DGCR8: variants seen among roughly 807,000 people sequenced by gnomAD.
DGCR8 encodes microprocessor complex subunit DGCR8.
DGCR8 carries 14 observed loss-of-function variants against 78.5 expected under a neutral mutation model. The observed-to-expected ratio is 0.18, with a 90% CI of 0.12 to 0.28. The LOEUF (loss-of-function observed/expected upper bound fraction) is 0.28. Among genes scored for constraint, DGCR8 ranks in the 10% least tolerant of loss-of-function variants. The pLI is 1.00. For missense variants in DGCR8, 702 were observed against 1,022.5 expected, an observed-to-expected ratio of 0.69 and a Z score of 4.28; for synonymous variants, 399 against 402.4, an observed-to-expected ratio of 0.99 and a Z score of 0.10.
intron 9 of DGCR8, among the ~76,000 whole-genome samples, chr22:20,095,425 C>T (rs1391258189): frequency 6.6e-6 from 1 of 152,134 alleles, no homozygotes; most frequent in Non-Finnish European, 1.5e-5. Flanking sequence ...TCTTTATATA[C>T]TTGACCCTTG....
At position 20,107,179 on chromosome 22, in the gene DGCR8, G is replaced by GGT. The variant is rs910881036; in HGVS notation, c.1997-88_1997-87dup. ...AGAATGTGCCCTGGCTGGCCCTCGG[G>GGT]GTGTGGGTCAGGAGGGCTGGGAGCG... On this transcript the variant is annotated intron_variant, in intron 11 of 13. Coordinates refer to ENST00000351989, the MANE Select transcript of DGCR8 (RefSeq NM_022720.7). The GGT allele has an allele frequency of 1.1e-5, 16 of 1,484,158 alleles. No homozygotes were observed. In the Admixed American group the frequency reaches 2.7e-4, roughly 25 times the overall value. The allele number at this position is 1,484,158 out of a possible 1,614,324, so 91.9% of individuals were successfully genotyped here. A position where few individuals can be genotyped will look rare whatever the true frequency, so the allele number is the denominator to read the frequency against.
In DGCR8 at chr22:20,110,675, TAAAC is replaced by T. The variant is rs2049829831; in HGVS notation, c.*569_*572del. On this transcript the variant is annotated 3_prime_UTR_variant, in exon 14 of 14. Coordinates refer to ENST00000351989, the MANE Select transcript of DGCR8 (RefSeq NM_022720.7). ...AGGAATATTTTAAACCTTTTTGGCT[TAAAC>T]AGAATTTTAGCATCAGAACTAGCTT... The T allele has an allele frequency of 6.4e-6, 1 of 155,908 alleles. No individual in the cohort carries two copies. The highest frequency in any genetic ancestry group is 1.4e-5 in the Non-Finnish European group (1 of 70,524). 9.7% of individuals were successfully genotyped at this position (155,908 alleles called of 1,614,324 possible).
chr22:20,091,903 C>G lies in DGCR8; in HGVS notation c.1539C>G (p.Val513=), dbSNP rs2049568659. ...FVINPNGKSE[V]CILHEYMQRV... Reference sequence around the variant, plus strand: ...TTAACCCCAACGGGAAATCCGAGGTCTGCATCCTGCACGAGTACATGCAGC... The same window carrying G: ...TTAACCCCAACGGGAAATCCGAGGTGTGCATCCTGCACGAGTACATGCAGC... The change falls in exon 7 of 14, where the codon GTC becomes GTG. Residue 513 remains valine, a synonymous_variant. Transcript: ENST00000351989. The G allele has an allele frequency of 6.2e-7, 1 of 1,614,074 alleles. No homozygotes were observed. The highest frequency in any genetic ancestry group is 1.3e-5 in the African/African-American group (1 of 74,934).
Position 20,101,868 on chromosome 22 carries a change from C to G in DGCR8, c.1789-4309C>G, listed in dbSNP as rs764969787. On this transcript the variant is annotated intron_variant, in intron 9 of 13. Coordinates refer to ENST00000351989, the MANE Select transcript of DGCR8 (RefSeq NM_022720.7). Reference sequence around the variant, plus strand: ...TAGTATCCCCTCCTTGTGTGGACTCCGGAGGTGGGGTTGACATGTCAGGAG... The same window carrying G: ...TAGTATCCCCTCCTTGTGTGGACTCGGGAGGTGGGGTTGACATGTCAGGAG... The G allele has an allele frequency of 1.5e-5, 15 of 985,154 alleles. No individual in the cohort carries two copies. In the Admixed American group the frequency reaches 2.5e-4, roughly 16 times the overall value. 61.0% of individuals were successfully genotyped at this position (985,154 alleles called of 1,614,324 possible). A position where few individuals can be genotyped will look rare whatever the true frequency, so the allele number is the denominator to read the frequency against.
intron 7 of DGCR8, 33 bp from the exon 8 acceptor site, chr22:20,092,776 G>C (rs771880207): frequency 2.4e-5 from 38 of 1,580,382 alleles, no homozygotes; most frequent in South Asian, 7.8e-5. Flanking sequence ...GTCTTGACTC[G>C]TATGTTTTAA....
At position 20,087,358 on chromosome 22, in the gene DGCR8, G is replaced by A. The variant is rs751965751; in HGVS notation, c.880+37G>A. On this transcript the variant is annotated intron_variant, in intron 3 of 13. Coordinates refer to ENST00000351989, the MANE Select transcript of DGCR8 (RefSeq NM_022720.7). This position sits in a 1 kb window ranked among gnomAD's most constrained non-coding sequence, Gnocchi z 4.1. ...GGTCAGAAGCAGTGGGTGTTCCAGG[G>A]CAGTGGAGGGGTGGTTGCTTCCTTA... The A allele has an allele frequency of 6.4e-7, 1 of 1,564,700 alleles. No homozygotes were observed. Among genetic ancestry groups the A allele is most frequent in the Admixed American group, 1.8e-5 (1 of 55,966 alleles).
At chr22:20,109,299 T>G in intron 13 of DGCR8, 1 of 346,330 alleles carries the variant, frequency 2.9e-6, no homozygotes, top group Non-Finnish European at 5.6e-6. Context: ...TGTTTGGAGG[T>G]AGGTCAGTGC....
intron 9 of DGCR8, among the ~76,000 whole-genome samples, chr22:20,095,437 G>A (rs2049617329): frequency 6.6e-6 from 1 of 152,088 alleles, no homozygotes; most frequent in Admixed American, 6.6e-5. Flanking sequence ...TGACCCTTGA[G>A]TAACGTGGAA....
At chr22:20,102,739 G>C (rs1054695270) in intron 9 of DGCR8, among the ~76,000 whole-genome samples, 1 of 152,146 alleles carries the variant, frequency 6.6e-6, no homozygotes. Context: ...TTGATACTGG[G>C]AGTCCTCCAA....
intron 1 of DGCR8, among the ~76,000 whole-genome samples, chr22:20,082,636 G>A (rs1416365524): frequency 1.3e-5 from 2 of 152,058 alleles, no homozygotes; most frequent in East Asian, 1.9e-4. Context: ...CAAAGTGCTG[G>A]GATTACAGTC....
chr22:20,086,257 C>T lies in DGCR8; in HGVS notation c.294C>T (p.Thr98=), dbSNP rs374194876. ...DPNCSGHSPR[T]ARHAPAVRKF... ...ACTGTAGTGGCCACAGCCCGCGCACCGCCCGGCACGCACCTGCGGTCCGGA... is the reference window on the plus strand; with the variant it reads ...ACTGTAGTGGCCACAGCCCGCGCACTGCCCGGCACGCACCTGCGGTCCGGA... The change falls in exon 2 of 14, where the codon ACC becomes ACT. Residue 98 remains threonine, a synonymous_variant. Transcript: ENST00000351989. This position sits in a 1 kb window ranked among gnomAD's most constrained non-coding sequence, Gnocchi z 6.4. 19 of 1,614,050 alleles carry T rather than the reference C, an allele frequency of 1.2e-5. No individual in the cohort carries two copies. Among genetic ancestry groups the T allele is most frequent in the African/African-American group, 2.7e-5 (2 of 74,928 alleles).
At position 20,111,665 on chromosome 22, in the gene DGCR8, C is replaced by T; in HGVS notation, c.*1557C>T. 1 of 330,638 alleles carries T rather than the reference C, an allele frequency of 3.0e-6. No homozygotes were observed. The highest frequency in any genetic ancestry group is 5.5e-6 in the Non-Finnish European group (1 of 183,416). 20.5% of individuals were successfully genotyped at this position (330,638 alleles called of 1,614,324 possible). On this transcript the variant is annotated 3_prime_UTR_variant, in exon 14 of 14. Transcript: ENST00000351989. ...CGCTGTGTCTTGCTGTTCCCAGGCACCACCACAGCAGGTGCTGCCATACTC... is the reference window on the plus strand; with the variant it reads ...CGCTGTGTCTTGCTGTTCCCAGGCATCACCACAGCAGGTGCTGCCATACTC...
chr22:20,108,901 C>CA lies in DGCR8; in HGVS notation c.2138dup (p.Ser714GlufsTer4). 6.3e-7 allele frequency: 1 copy of CA among 1,583,152 alleles called. No homozygotes were observed. Among genetic ancestry groups the CA allele is most frequent in the Non-Finnish European group, 8.7e-7 (1 of 1,153,840 alleles). On this transcript the variant is annotated frameshift_variant, in exon 13 of 14. Transcript: ENST00000351989. LOFTEE classifies it high-confidence loss of function. ...GCTATACTTCCCAGGAGACATCGGA[C>CA]AAGAGTGTGATTGAGCTGCAGCAGT...
rs1201384924 is a variant in DGCR8, at chr22:20,089,898, A to G, written c.1024-78A>G. The G allele has an allele frequency of 1.3e-6, 2 of 1,589,572 alleles. No homozygotes were observed. Among genetic ancestry groups the G allele is most frequent in the African/African-American group, 2.7e-5 (2 of 74,154 alleles). ...CACACACATGGCACCGCAGCCAAGCAGAGGCCGGTGAAAGGCATCAGAGTT... is the reference window on the plus strand; with the variant it reads ...CACACACATGGCACCGCAGCCAAGCGGAGGCCGGTGAAAGGCATCAGAGTT... On this transcript the variant is annotated intron_variant, in intron 4 of 13. Transcript: ENST00000351989. This position sits in a 1 kb window ranked among gnomAD's most constrained non-coding sequence, Gnocchi z 4.9.
rs1455181752 is a variant in DGCR8, at chr22:20,085,659, G to T, written c.-277-28G>T. On this transcript the variant is annotated intron_variant, in intron 1 of 13. Coordinates refer to ENST00000351989, the MANE Select transcript of DGCR8 (RefSeq NM_022720.7). The surrounding 1 kb of genome is among the most constrained non-coding windows in gnomAD (Gnocchi z 6.2). ...GGAATTGGAAGGTTTCTGTCATTTT[G>T]TGACGATATTTTTAAATTTCTTTGC... The T allele has an allele frequency of 2.3e-6, 3 of 1,287,076 alleles. No individual in the cohort carries two copies. The highest frequency in any genetic ancestry group is 2.9e-6 in the Non-Finnish European group (3 of 1,021,470). The allele number at this position is 1,287,076 out of a possible 1,614,324, so 79.7% of individuals were successfully genotyped here. A position where few individuals can be genotyped will look rare whatever the true frequency, so the allele number is the denominator to read the frequency against.
rs764866778 is a variant in DGCR8 at position 20,086,055 on chromosome 22, C to T, written c.92C>T (p.Pro31Leu). The change falls in exon 2 of 14, where the codon CCC (proline) becomes CTC (leucine). Residue 31 changes from proline (P) to leucine (L), a missense_variant. Pro to Leu is a moderately conservative substitution (Grantham distance 98). This residue lies in a region of DGCR8 where 356 missense variants were observed against 448.9 expected (regional missense o/e 0.79). Transcript: ENST00000351989. The surrounding 1 kb of genome is among the most constrained non-coding windows in gnomAD (Gnocchi z 6.4). The stretch of plus-strand genomic sequence containing the variant: ...CGAGCTCGCCCCTTCCAAGCGCTGC[C>T]CCGTGAGCAGTCTCCACCACCTCCC... ...ESRARPFQAL[P>L]REQSPPPPLQ... 5.6e-6 allele frequency: 9 copies of T among 1,613,926 alleles called. No individual in the cohort carries two copies. Among genetic ancestry groups the T allele is most frequent in the Non-Finnish European group, 7.6e-6 (9 of 1,180,052 alleles).
chr22:20,098,606 A>ATT (rs1167612242), intron 9 of DGCR8, among the ~76,000 whole-genome samples: 1 of 152,194 alleles, frequency 6.6e-6, no homozygotes, highest in African/African-American at 2.4e-5. Flanking sequence ...TACTGTAACA[A>ATT]AGTGTCACAG....
Position 20,086,854 on chromosome 22 carries a change from A to G in DGCR8, c.720+171A>G. 2.2e-6 allele frequency: 2 copies of G among 903,210 alleles called. No homozygotes were observed. Among genetic ancestry groups the G allele is most frequent in the Non-Finnish European group, 3.2e-6 (2 of 617,814 alleles). The allele number at this position is 903,210 out of a possible 1,614,324, so 55.9% of individuals were successfully genotyped here. A position where few individuals can be genotyped will look rare whatever the true frequency, so the allele number is the denominator to read the frequency against. ...GAGAAGAGAAAGATGTAAGGAGTCC[A>G]GATTTTTAAAGTTTCCTAATGAAAA... is the stretch of plus-strand genomic sequence containing the variant. On this transcript the variant is annotated intron_variant, in intron 2 of 13. Coordinates refer to ENST00000351989, the MANE Select transcript of DGCR8 (RefSeq NM_022720.7). This position sits in a 1 kb window ranked among gnomAD's most constrained non-coding sequence, Gnocchi z 6.4.
intron 12 of DGCR8, 89 bp from the exon 13 acceptor site, chr22:20,108,801 T>TGCCAGACCCTGGG: frequency 1.2e-6 from 1 of 851,730 alleles, no homozygotes; most frequent in Non-Finnish European, 2.0e-6. Flanking sequence ...GCGCCTGCCT[T>TGCCAGACCCTGGG]CAGGGTCCCA....
Sources: allele counts gnomAD v4.1 joint callset (sites outside exome capture counted in the v4.1 genomes callset), GRCh38; gene constraint gnomAD v4.1.1; regional missense constraint gnomAD v4.1.1; non-coding constraint Gnocchi (gnomAD v3.1); transcripts MANE v1.5; gene names NCBI Gene and HGNC (gene_info 2026-07-23, HGNC 2026-07-21).